TIAM2: variants seen among roughly 807,000 people sequenced by gnomAD.
TIAM2 encodes the protein rho guanine nucleotide exchange factor TIAM2.
Under a neutral mutation model 152.9 loss-of-function variants are expected in TIAM2, and 80 were observed. The observed-to-expected ratio is 0.52, with a 90% confidence interval of 0.44 to 0.63. The LOEUF is 0.63. Ranked by LOEUF, TIAM2 falls within the 30% of genes least tolerant of loss-of-function variation. The probability of loss-of-function intolerance (pLI) is 0.00; values close to 1 mark genes in which losing one functional copy is unlikely to be tolerated. For synonymous variants in TIAM2, 804 were observed against 838.0 expected, an observed-to-expected ratio of 0.96 and a Z score of 0.70; for missense variants, 1,965 against 2,120.1, an observed-to-expected ratio of 0.93 and a Z score of 1.44.
intron 1 of TIAM2, among the ~76,000 whole-genome samples, chr6:155,089,996 A>G (rs1778266157): frequency 6.6e-6 from 1 of 151,986 alleles, no homozygotes; most frequent in Non-Finnish European, 1.5e-5. Flanking sequence ...TAACTTATCT[A>G]TATTTATTTC....
chr6:155,181,312 G>A (rs1248182207), intron 12 of TIAM2, among the ~76,000 whole-genome samples: 1 of 152,080 alleles, frequency 6.6e-6, no homozygotes, highest in South Asian at 2.1e-4. Flanking sequence ...TTTAGGGCAA[G>A]CACCGTATTC....
At chr6:155,148,009 G>A in intron 6 of TIAM2, 101 bp from the exon 7 acceptor site, 3 of 1,164,638 alleles carry the variant, frequency 2.6e-6, no homozygotes, top group African/African-American at 1.5e-5. Flanking sequence ...TGCAGTGCAA[G>A]TACTTCTTGG....
At chr6:155,036,810 G>T (rs1204037242) in intron 1 of TIAM2, among the ~76,000 whole-genome samples, 4 of 151,686 alleles carry the variant, frequency 2.6e-5, no homozygotes, top group Non-Finnish European at 5.9e-5. Context: ...TAGAGATGGG[G>T]TTTCTCCATG....
intron 1 of TIAM2, among the ~76,000 whole-genome samples, chr6:155,031,249 G>A (rs1776815059): frequency 6.6e-6 from 1 of 152,132 alleles, no homozygotes. Context: ...AAATACATAT[G>A]TGCCTCTCTG....
At chr6:155,172,778 A>G (rs1376667823) in intron 9 of TIAM2, among the ~76,000 whole-genome samples, 2 of 143,688 alleles carry the variant, frequency 1.4e-5, no homozygotes, top group South Asian at 2.4e-4. Flanking sequence ...AAGGTAGCCA[A>G]CCGTGGAATT....
chr6:155,058,524 GAAGAGTAACAGTCATTA>G (rs1562303526), intron 1 of TIAM2, among the ~76,000 whole-genome samples: 1 of 152,200 alleles, frequency 6.6e-6, no homozygotes, highest in African/African-American at 2.4e-5. Flanking sequence ...TAATAAAAAT[GAAGAGTAACAGTCATTA>G]TCGTTTTTGA....
At chr6:155,013,265 A>T (rs535222879) in intron 1 of TIAM2, among the ~76,000 whole-genome samples, 1 of 152,302 alleles carries the variant, frequency 6.6e-6, no homozygotes, top group East Asian at 1.9e-4. Context: ...TCCAGAAAGC[A>T]GGTCAGAAAA....
rs1354407081 is a variant in TIAM2 at position 155,218,511 on chromosome 6, T to G, written c.3168+7204T>G. 6.6e-6 allele frequency among the ~76,000 whole-genome samples: 1 copy of G among 152,226 alleles called. No individual in the cohort carries two copies. Among genetic ancestry groups the G allele is most frequent in the Non-Finnish European group, 1.5e-5 (1 of 68,042 alleles). ...GTTACCCAACCTTTGTAAGCCTGTGTGTCCTCCTCTATGAATAAACATAAC... is the reference window on the plus strand; with the variant it reads ...GTTACCCAACCTTTGTAAGCCTGTGGGTCCTCCTCTATGAATAAACATAAC... On this transcript the variant is annotated intron_variant, in intron 15 of 26. Coordinates refer to ENST00000682666, the MANE Select transcript of TIAM2 (RefSeq NM_012454.4). The surrounding 1 kb of genome is among the most constrained non-coding windows in gnomAD (Gnocchi z 4.5).
chr6:155,097,673 G>A (rs920299283), intron 2 of TIAM2, among the ~76,000 whole-genome samples: 10 of 152,176 alleles, frequency 6.6e-5, no homozygotes, highest in African/African-American at 1.9e-4. Flanking sequence ...GTAATTCCAT[G>A]TATCGATTTC....
intron 1 of TIAM2, among the ~76,000 whole-genome samples, chr6:155,039,199 G>A (rs1309230439): frequency 2.6e-5 from 4 of 151,702 alleles, no homozygotes; most frequent in Non-Finnish European, 4.4e-5. Flanking sequence ...GGGTTCAAGC[G>A]ATCCTCCTAC....
intron 2 of TIAM2, among the ~76,000 whole-genome samples, chr6:155,111,272 T>C (rs2115007061): frequency 6.6e-6 from 1 of 150,840 alleles, no homozygotes; most frequent in South Asian, 2.1e-4. Flanking sequence ...AAGCGCTTCA[T>C]GGAAAGTGTC....
intron 2 of TIAM2, among the ~76,000 whole-genome samples, chr6:155,095,176 G>A (rs1209617501): frequency 2.0e-5 from 3 of 152,090 alleles, no homozygotes; most frequent in Non-Finnish European, 2.9e-5. Context: ...TAGACTTCAT[G>A]GCCCCAAACA....
At chr6:155,028,405 C>T (rs1402292581) in intron 1 of TIAM2, among the ~76,000 whole-genome samples, 1 of 123,620 alleles carries the variant, frequency 8.1e-6, no homozygotes, top group East Asian at 2.4e-4. Flanking sequence ...CATATATATA[C>T]TGTGTTACAT....
intron 1 of TIAM2, among the ~76,000 whole-genome samples, chr6:155,087,774 T>C (rs577122694): frequency 2.0e-5 from 3 of 152,092 alleles, no homozygotes; most frequent in South Asian, 4.1e-4. Flanking sequence ...TAAAATAAAA[T>C]AAATAAAAAA....
intron 5 of TIAM2, among the ~76,000 whole-genome samples, chr6:155,141,152 A>G (rs1199566643): frequency 6.6e-6 from 1 of 152,172 alleles, no homozygotes; most frequent in African/African-American, 2.4e-5. Flanking sequence ...AGATCCATGG[A>G]TAAAGGGTGC....
Position 155,104,040 on chromosome 6 carries a change from A to ACACCCCCC in TIAM2, c.-118+13662_-118+13663insACCCCCCC, listed in dbSNP as rs1562316893. Among the ~76,000 whole-genome samples the ACACCCCCC allele has an allele frequency of 6.9e-5, 4 of 57,720 alleles. 1 individual carries two copies. The highest frequency in any genetic ancestry group is 7.7e-5 in the African/African-American group (1 of 12,996). The allele number at this position is 57,720 out of a possible 152,430, so 37.9% of individuals were successfully genotyped here. A position where few individuals can be genotyped will look rare whatever the true frequency, so the allele number is the denominator to read the frequency against. ...TTCTGTATTTACCTCACACACACAC[A>ACACCCCCC]CCCCCCCCCCCACACCCCCACACAC... On this transcript the variant is annotated intron_variant, in intron 2 of 26. Transcript: ENST00000682666.
intron 2 of TIAM2, among the ~76,000 whole-genome samples, chr6:155,123,310 T>C (rs1583202238): frequency 6.6e-6 from 1 of 152,320 alleles, no homozygotes; most frequent in Non-Finnish European, 1.5e-5. Flanking sequence ...CTATCTTAAT[T>C]ATGGAAATGT....
chr6:155,038,894 C>T (rs1409215969), intron 1 of TIAM2, among the ~76,000 whole-genome samples: 2 of 151,460 alleles, frequency 1.3e-5, no homozygotes, highest in South Asian at 2.1e-4. Context: ...ACTGTGCCAC[C>T]ACACTCTACA....
intron 1 of TIAM2, among the ~76,000 whole-genome samples, chr6:155,075,207 C>G (rs928870222): frequency 1.1e-4 from 16 of 152,132 alleles, no homozygotes; most frequent in African/African-American, 3.9e-4. Flanking sequence ...GAAAAATTCT[C>G]TGCATAATTA....
Sources: gnomAD v4.1 joint callset for allele counts (sites outside exome capture counted in the v4.1 genomes callset) on GRCh38, gnomAD v4.1.1 for gene constraint, Gnocchi (gnomAD v3.1) non-coding constraint, MANE v1.5 for transcripts, NCBI Gene and HGNC (gene_info 2026-07-23, HGNC 2026-07-21) for gene names.